LIPK: variants seen among roughly 807,000 people sequenced by gnomAD.
The protein encoded by LIPK is lipase member K.
Under a neutral mutation model 48.6 loss-of-function variants are expected in LIPK, and 32 were observed. The observed-to-expected ratio is 0.66, with a 90% CI of 0.50 to 0.88. The LOEUF (loss-of-function observed/expected upper bound fraction) is 0.88, where lower values mean the gene tolerates loss of function less well. LIPK is among the 40% of genes least tolerant of loss of function. The pLI is 0.00. For synonymous variants in LIPK, 164 were observed against 157.4 expected (o/e 1.04, Z -0.32); for missense variants, 507 against 478.5 (o/e 1.06, Z -0.56).
intron 3 of LIPK, among the ~76,000 whole-genome samples, chr10:88,729,077 ACCT>A (rs1197074781): frequency 6.6e-6 from 1 of 151,708 alleles, no homozygotes; most frequent in Non-Finnish European, 1.5e-5. Flanking sequence ...CCTAGGGTAC[ACCT>A]CTTGCCCTTG....
intron 9 of LIPK, among the ~76,000 whole-genome samples, chr10:88,751,282 C>T (rs436833): frequency 0.24 from 36,308 of 151,594 alleles, 4,507 homozygotes; most frequent in East Asian, 0.37. Context: ...GGCTTCTTGC[C>T]GATAGACTGA....
chr10:88,732,273 A>G lies in LIPK; in HGVS notation c.518A>G (p.Gln173Arg), dbSNP rs370412449. The change falls in exon 5 of 10, where the codon CAA (glutamine) becomes CGA (arginine). Residue 173 changes from glutamine (Q) to arginine (R), a missense_variant. Transcript: ENST00000404190. Reference protein sequence around the residue: ...QKRLYYVGHSQGTTIAFIAFS... With the variant: ...QKRLYYVGHSRGTTIAFIAFS... Reference sequence around the variant, plus strand: ...CGACTCTACTACGTGGGCCACTCACAAGGCACCACCATAGGTGTGTTTGGG... The same window carrying G: ...CGACTCTACTACGTGGGCCACTCACGAGGCACCACCATAGGTGTGTTTGGG... 78 of 1,613,556 alleles carry G rather than the reference A, an allele frequency of 4.8e-5. No homozygotes were observed. Among genetic ancestry groups the G allele is most frequent in the Non-Finnish European group, 6.3e-5 (74 of 1,179,776 alleles).
At chr10:88,736,166 G>T (rs1653841) in intron 6 of LIPK, among the ~76,000 whole-genome samples, 2 of 112,896 alleles carry the variant, frequency 1.8e-5, no homozygotes, top group South Asian at 3.1e-4. Context: ...GAGGGAGAGG[G>T]AGAGGGAGAG....
chr10:88,738,827 T>TA lies in LIPK; in HGVS notation c.816+1047dup, dbSNP rs1333987729. Reference sequence around the variant, plus strand: ...TGTCTTTCTGCCAAAAAGCAAAACTTACAGAATATTACAGCACCTTCAAGG... The same window carrying TA: ...TGTCTTTCTGCCAAAAAGCAAAACTTAACAGAATATTACAGCACCTTCAAGG... On this transcript the variant is annotated intron_variant, in intron 7 of 9. Transcript: ENST00000404190. Among the ~76,000 whole-genome samples, 5 of 152,312 alleles carry TA rather than the reference T, an allele frequency of 3.3e-5. No homozygotes were observed. The East Asian group carries it at 9.6e-4, about 29-fold the overall frequency.
chr10:88,745,235 C>T (rs1203114422), intron 9 of LIPK, among the ~76,000 whole-genome samples: 4 of 152,102 alleles, frequency 2.6e-5, no homozygotes, highest in Non-Finnish European at 5.9e-5. Context: ...AAAATTTCCC[C>T]AACCTCACTA....
intron 6 of LIPK, among the ~76,000 whole-genome samples, chr10:88,734,718 G>T (rs1251666848): frequency 6.6e-6 from 1 of 152,154 alleles, no homozygotes; most frequent in Non-Finnish European, 1.5e-5. Flanking sequence ...GCACTGATGA[G>T]AAGAATGATT....
intron 1 of LIPK, among the ~76,000 whole-genome samples, chr10:88,714,018 T>C (rs940006962): frequency 1.3e-5 from 2 of 151,738 alleles, no homozygotes; most frequent in African/African-American, 4.8e-5. Flanking sequence ...CCCATCTTTG[T>C]TGTTGTTGTT....
At chr10:88,716,170 T>C (rs1413115175) in intron 1 of LIPK, among the ~76,000 whole-genome samples, 2 of 152,020 alleles carry the variant, frequency 1.3e-5, no homozygotes, top group African/African-American at 2.4e-5. Context: ...ATATAAGATA[T>C]TAGGAATTAG....
chr10:88,734,474 T>C (rs1434307395), intron 6 of LIPK, among the ~76,000 whole-genome samples: 1 of 152,076 alleles, frequency 6.6e-6, no homozygotes, highest in East Asian at 1.9e-4. Context: ...ATAAAGGGAT[T>C]TGAGCGCCAA....
chr10:88,732,509 T>G lies in LIPK; in HGVS notation c.627T>G (p.Ser209Arg). The change falls in exon 6 of 10, where the codon AGT (serine) becomes AGG (arginine). Residue 209 changes from serine (S) to arginine (R), a missense_variant. Physicochemically the swap from Ser to Arg is moderately radical, Grantham distance 110. Transcript: ENST00000404190. ...TTGTCACAGTTAAATACACCCAAAG[T>G]CCTATGAAAAAACTAACAACCCTTT... is the stretch of plus-strand genomic sequence containing the variant. ...APVVTVKYTQ[S>R]PMKKLTTLSR... 6.2e-7 allele frequency: 1 copy of G among 1,612,752 alleles called. No homozygotes were observed. The highest frequency in any genetic ancestry group is 8.5e-7 in the Non-Finnish European group (1 of 1,179,596).
chr10:88,739,720 G>T (rs182388185), intron 7 of LIPK, among the ~76,000 whole-genome samples: 3 of 151,956 alleles, frequency 2.0e-5, no homozygotes, highest in Non-Finnish European at 2.9e-5. Context: ...TTAGCCAGGC[G>T]TGGTGGTGCG....
At chr10:88,712,229 T>G (rs1842039384) in intron 1 of LIPK, among the ~76,000 whole-genome samples, 1 of 152,216 alleles carries the variant, frequency 6.6e-6, no homozygotes, top group Non-Finnish European at 1.5e-5. Flanking sequence ...TTTGTTAGCA[T>G]AGCAAGTGTA....
chr10:88,719,361 G>T (rs1842178240), intron 1 of LIPK, among the ~76,000 whole-genome samples: 1 of 152,216 alleles, frequency 6.6e-6, no homozygotes, highest in East Asian at 1.9e-4. Flanking sequence ...GTTAGGAAGT[G>T]TCTACAATGT....
intron 1 of LIPK, among the ~76,000 whole-genome samples, chr10:88,708,104 C>T (rs1015064424): frequency 2.0e-5 from 3 of 152,106 alleles, no homozygotes; most frequent in African/African-American, 7.2e-5. Context: ...TGCCAAGAAT[C>T]TTTTAATAAA....
Position 88,752,529 on chromosome 10 carries a change from T to G in LIPK, c.973T>G (p.Leu325Val), listed in dbSNP as rs1842881220. The G allele has an allele frequency of 1.9e-6, 3 of 1,548,288 alleles. No homozygotes were observed. Among genetic ancestry groups the G allele is most frequent in the Non-Finnish European group, 2.6e-6 (3 of 1,140,620 alleles). ...TTATTGTATTTAGCTTACACCTCCT[T>G]TATACAACATTACTAAGATGGAAGT... is the stretch of plus-strand genomic sequence containing the variant. ...MMHFHQLTPP[L>V]YNITKMEVPT... The change falls in exon 10 of 10, where the codon TTA becomes GTA. Residue 325 changes from leucine to valine, a missense_variant. Physicochemically the swap from Leu to Val is conservative, Grantham distance 32. Transcript: ENST00000404190.
At chr10:88,745,912 T>C (rs1348554609) in intron 9 of LIPK, among the ~76,000 whole-genome samples, 1 of 151,980 alleles carries the variant, frequency 6.6e-6, no homozygotes, top group Non-Finnish European at 1.5e-5. Context: ...ACTCCTGGGC[T>C]CAAAGAAAAG....
chr10:88,729,252 T>TG (rs71022537), intron 3 of LIPK, among the ~76,000 whole-genome samples: 2,235 of 40,090 alleles, frequency 0.056, 78 homozygotes, highest in African/African-American at 0.17. Flanking sequence ...GGCTATCTGT[T>TG]GGGGGGGGGG....
chr10:88,738,000 T>C (rs1022140694), intron 7 of LIPK, among the ~76,000 whole-genome samples: 37 of 152,224 alleles, frequency 2.4e-4, no homozygotes, highest in Admixed American at 1.8e-3. Flanking sequence ...CATCTCTTCT[T>C]ACCCGAAACG....
At chr10:88,709,721 GTTCCT>G (rs1841994371) in intron 1 of LIPK, among the ~76,000 whole-genome samples, 1 of 151,776 alleles carries the variant, frequency 6.6e-6, no homozygotes, top group South Asian at 2.1e-4. Context: ...ATTAAGGTCA[GTTCCT>G]TTCCCAATAC....
Sources: gnomAD v4.1 joint callset for allele counts (sites outside exome capture counted in the v4.1 genomes callset) on GRCh38, gnomAD v4.1.1 for gene constraint, MANE v1.5 for transcripts, NCBI Gene and HGNC (gene_info 2026-07-23, HGNC 2026-07-21) for gene names.